CTNNA3: variants seen among roughly 807,000 people sequenced by gnomAD.
The protein encoded by CTNNA3 is catenin alpha-3.
CTNNA3 carries 76 observed loss-of-function variants against 95.7 expected under a neutral mutation model. That is an observed-to-expected ratio of 0.79 (90% CI 0.66 to 0.96). The LOEUF is 0.96. Among genes scored for constraint, CTNNA3 ranks in the 40% least tolerant of loss-of-function variants. The pLI is 0.00. For synonymous variants in CTNNA3, 431 were observed against 374.4 expected (o/e 1.15, Z -1.74); for missense variants, 1,191 against 1,089.8 (o/e 1.09, Z -1.31).
chr10:66,547,133 A>G (rs1307939214), intron 10 of CTNNA3, among the ~76,000 whole-genome samples: 2 of 151,966 alleles, frequency 1.3e-5, no homozygotes, highest in African/African-American at 4.8e-5. Flanking sequence ...AAGGAAGTAG[A>G]TAGAGTGTGG....
intron 1 of CTNNA3, among the ~76,000 whole-genome samples, chr10:67,692,727 A>G (rs1412507876): frequency 7.8e-6 from 1 of 128,086 alleles, no homozygotes; most frequent in Non-Finnish European, 1.6e-5. Flanking sequence ...AACACCCAAG[A>G]ATGATCAATA....
At chr10:66,716,979 T>A (rs1848471613) in intron 9 of CTNNA3, among the ~76,000 whole-genome samples, 1 of 151,052 alleles carries the variant, frequency 6.6e-6, no homozygotes, top group Admixed American at 6.6e-5. Context: ...TTACCCTTGA[T>A]AATGTAGGTG....
intron 7 of CTNNA3, among the ~76,000 whole-genome samples, chr10:67,065,393 T>C (rs73256454): frequency 0.11 from 16,250 of 152,166 alleles, 1,132 homozygotes; most frequent in South Asian, 0.2. Context: ...TATAAGGGCA[T>C]TGATTATTTT....
intron 5 of CTNNA3, among the ~76,000 whole-genome samples, chr10:67,398,345 T>C (rs756523029): frequency 1.3e-5 from 2 of 152,256 alleles, no homozygotes; most frequent in Non-Finnish European, 2.9e-5. Flanking sequence ...GACTGCCCTA[T>C]TGGATCTTGG....
intron 13 of CTNNA3, among the ~76,000 whole-genome samples, chr10:66,190,046 A>G (rs2086586448): frequency 6.6e-6 from 1 of 152,140 alleles, no homozygotes; most frequent in Admixed American, 6.5e-5. Flanking sequence ...AATTTGAAGA[A>G]ACATGTGAAA....
chr10:65,976,789 G>C (rs1044003072), intron 16 of CTNNA3, among the ~76,000 whole-genome samples: 3 of 151,776 alleles, frequency 2.0e-5, no homozygotes, highest in Admixed American at 1.3e-4. Context: ...TATGTATTCA[G>C]GTCTTTTCCC....
intron 7 of CTNNA3, among the ~76,000 whole-genome samples, chr10:66,996,721 A>G (rs889817767): frequency 6.8e-6 from 1 of 147,840 alleles, no homozygotes; most frequent in Admixed American, 6.9e-5. Context: ...ATTAGCGCCT[A>G]TGCAGTTTTC....
intron 5 of CTNNA3, among the ~76,000 whole-genome samples, chr10:67,506,666 T>G (rs911126485): frequency 6.6e-6 from 1 of 152,144 alleles, no homozygotes; most frequent in African/African-American, 2.4e-5. Flanking sequence ...GCACTACTAT[T>G]AACAAAACAG....
intron 11 of CTNNA3, among the ~76,000 whole-genome samples, chr10:66,437,647 T>C (rs1202330991): frequency 6.6e-6 from 1 of 152,100 alleles, no homozygotes; most frequent in Non-Finnish European, 1.5e-5. Context: ...GGTTAGAACA[T>C]GCTTCTTTTG....
At chr10:67,745,868 G>A (rs1347240639) in intron 1 of CTNNA3, among the ~76,000 whole-genome samples, 1 of 151,904 alleles carries the variant, frequency 6.6e-6, no homozygotes, top group Non-Finnish European at 1.5e-5. Flanking sequence ...ATTGAACCAA[G>A]GAAGTGAAAG....
chr10:66,044,670 G>A (rs1300482405), intron 15 of CTNNA3, among the ~76,000 whole-genome samples: 2 of 151,990 alleles, frequency 1.3e-5, no homozygotes, highest in Admixed American at 1.3e-4. Context: ...GGCATTATGT[G>A]GGTTTGCCCC....
chr10:65,981,648 GC>G (rs1198722024), intron 16 of CTNNA3, among the ~76,000 whole-genome samples: 2 of 151,740 alleles, frequency 1.3e-5, no homozygotes, highest in African/African-American at 4.8e-5. Flanking sequence ...ATAAAAATAG[GC>G]ACACAGACCA....
intron 9 of CTNNA3, among the ~76,000 whole-genome samples, chr10:66,670,085 G>A (rs1846604269): frequency 6.6e-6 from 1 of 152,034 alleles, no homozygotes; most frequent in Admixed American, 6.6e-5. Context: ...CATTCTTTAA[G>A]GTCTTCTTTC....
intron 11 of CTNNA3, among the ~76,000 whole-genome samples, chr10:66,493,276 C>A (rs947097772): frequency 2.0e-5 from 3 of 152,132 alleles, no homozygotes; most frequent in Admixed American, 6.5e-5. Context: ...TATAAAACAG[C>A]TTTATAATGT....
intron 13 of CTNNA3, among the ~76,000 whole-genome samples, chr10:66,140,338 C>T (rs1219522804): frequency 1.3e-5 from 2 of 152,088 alleles, no homozygotes; most frequent in African/African-American, 2.4e-5. Flanking sequence ...CCAATGTAAT[C>T]GTATCTGGTA....
chr10:66,657,002 T>C (rs571714743), intron 9 of CTNNA3, among the ~76,000 whole-genome samples: 78 of 152,180 alleles, frequency 5.1e-4, no homozygotes, highest in African/African-American at 1.7e-3. Flanking sequence ...TGCAAAGAGC[T>C]CAAATAAGAA....
At chr10:67,012,612 T>C (rs1020371676) in intron 7 of CTNNA3, among the ~76,000 whole-genome samples, 7 of 152,276 alleles carry the variant, frequency 4.6e-5, no homozygotes, top group Non-Finnish European at 1.0e-4. Flanking sequence ...CCTACGAAGA[T>C]AAAAATTATC....
intron 7 of CTNNA3, among the ~76,000 whole-genome samples, chr10:67,129,832 C>G (rs79708101): frequency 0.022 from 3,361 of 152,216 alleles, 54 homozygotes; most frequent in Non-Finnish European, 0.034. Context: ...TAGTCAATCA[C>G]TGTGCTACTG....
chr10:67,115,439 G>A (rs1859129545), intron 7 of CTNNA3, among the ~76,000 whole-genome samples: 1 of 151,760 alleles, frequency 6.6e-6, no homozygotes, highest in Non-Finnish European at 1.5e-5. Context: ...GTATACATAT[G>A]TAACTAACCT....
Sources: gnomAD v4.1 joint callset for allele counts (sites outside exome capture counted in the v4.1 genomes callset) on GRCh38, gnomAD v4.1.1 for gene constraint, MANE v1.5 for transcripts, NCBI Gene and HGNC (gene_info 2026-07-23, HGNC 2026-07-21) for gene names.